Variants in DCAF1 observed in about 807,000 individuals in gnomAD.
The protein encoded by DCAF1 is DDB1- and CUL4-associated factor 1.
Under a neutral mutation model 128.0 loss-of-function variants are expected in DCAF1, and 15 were observed. The observed-to-expected ratio is 0.12, with a 90% CI of 0.08 to 0.18. DCAF1 has a LOEUF of 0.18. DCAF1 is among the 10% of genes least tolerant of loss of function. The probability of loss-of-function intolerance (pLI) is 1.00; values close to 1 mark genes in which losing one functional copy is unlikely to be tolerated. For synonymous variants in DCAF1, 610 were observed against 603.0 expected, an observed-to-expected ratio of 1.01 and a Z score of -0.17; for missense variants, 988 against 1,649.5, an observed-to-expected ratio of 0.60 and a Z score of 6.95.
intron 3 of DCAF1, among the ~76,000 whole-genome samples, chr3:51,471,305 T>C (rs1577255115): frequency 6.6e-6 from 1 of 151,478 alleles, no homozygotes; most frequent in African/African-American, 2.4e-5. Context: ...TGCCTCAGTA[T>C]CCCGCACAGC....
At chr3:51,398,894 C>T in intron 24 of DCAF1, 67 bp from the exon 25 acceptor site, 3 of 1,533,476 alleles carry the variant, frequency 2.0e-6, no homozygotes, top group Non-Finnish European at 2.6e-6. Flanking sequence ...CCTACAGAAG[C>T]ACCTGCACTC....
intron 24 of DCAF1, 79 bp downstream of exon 24, chr3:51,403,064 C>A: frequency 6.6e-7 from 1 of 1,509,764 alleles, no homozygotes; most frequent in South Asian, 1.4e-5. Flanking sequence ...TATGGCTTGC[C>A]CTCTAAGTTG....
intron 9 of DCAF1, chr3:51,438,214 A>G (rs1054124775): frequency 1.3e-5 from 4 of 316,120 alleles, no homozygotes. Flanking sequence ...CCTTATTTCC[A>G]TGGTTCAAGA....
At chr3:51,436,878 A>G (rs1700876880) in intron 9 of DCAF1, among the ~76,000 whole-genome samples, 1 of 152,238 alleles carries the variant, frequency 6.6e-6, no homozygotes, top group Non-Finnish European at 1.5e-5. Flanking sequence ...GACTGCAATA[A>G]GATGAAACTT....
rs540374572 is a variant in DCAF1, at chr3:51,403,408, C to A, written c.4213-13G>T. 6.4e-7 allele frequency: 1 copy of A among 1,551,606 alleles called. No individual in the cohort carries two copies. The highest frequency in any genetic ancestry group is 1.4e-5 in the African/African-American group (1 of 73,032). On this transcript the variant is annotated splice_polypyrimidine_tract_variant and intron_variant, in intron 23 of 24. Coordinates refer to ENST00000684031, the MANE Select transcript of DCAF1 (RefSeq NM_001387579.1). Reference sequence around the variant, plus strand: ...GTTCTTCCTCTTCCTGGTAAGAAAGCGTAATGTTCATTAGTACAAACACAG... The same window carrying A: ...GTTCTTCCTCTTCCTGGTAAGAAAGAGTAATGTTCATTAGTACAAACACAG...
intron 17 of DCAF1, 78 bp from the exon 18 acceptor site, chr3:51,416,949 CCCCAG>C: frequency 1.9e-6 from 3 of 1,539,050 alleles, no homozygotes; most frequent in Non-Finnish European, 2.6e-6. Flanking sequence ...CACAGGTGAC[CCCCAG>C]CCTCTTGCAC....
At chr3:51,483,418 C>G in intron 3 of DCAF1, among the ~76,000 whole-genome samples, 1 of 143,900 alleles carries the variant, frequency 6.9e-6, no homozygotes, top group Admixed American at 7.0e-5. Context: ...CCAGCCTGGG[C>G]AACAAAGCAA....
chr3:51,427,693 C>A (rs1182578655), intron 12 of DCAF1, among the ~76,000 whole-genome samples, 152 bp from the exon 13 acceptor site: 1 of 152,140 alleles, frequency 6.6e-6, no homozygotes. Flanking sequence ...AGGGCAGTGG[C>A]TTGATCACGG....
Position 51,411,752 on chromosome 3 carries a change from A to T in DCAF1, c.4212+627T>A, listed in dbSNP as rs564498398. 3.3e-3 allele frequency among the ~76,000 whole-genome samples: 509 copies of T among 152,194 alleles called. 1 individual carries two copies. The highest frequency in any genetic ancestry group is 3.3e-3 in the Non-Finnish European group (224 of 67,978). ...CAGCAAAGTGATTGTTCTGTTTTTT[A>T]TTGACATTGGGAGATGCTTATCTGA... On this transcript the variant is annotated intron_variant, in intron 23 of 24. Transcript: ENST00000684031.
At chr3:51,410,448 G>T (rs1409255933) in intron 23 of DCAF1, among the ~76,000 whole-genome samples, 2 of 152,056 alleles carry the variant, frequency 1.3e-5, no homozygotes, top group Non-Finnish European at 2.9e-5. Flanking sequence ...GTATTCAAAG[G>T]ATTTGATTTA....
upstream of DCAF1, among the ~76,000 whole-genome samples, chr3:51,500,537 G>T (rs560990796): frequency 6.6e-6 from 1 of 152,066 alleles, no homozygotes; most frequent in African/African-American, 2.4e-5. Context: ...GTTGTTTTTT[G>T]TTTGTTTTGT....
chr3:51,441,050 G>A lies in DCAF1; in HGVS notation c.1048C>T (p.Leu350Phe). ...AACATCATCAGCTCCCGTGATCCAA[G>A]TTGCATGAATATGGGAAGTAGCTGA... ...YQELLPIFMQ[L>F]GSRELMMFYI... Residue 350 changes from leucine (L) to phenylalanine (F), a missense_variant, in exon 9 of 25, where the codon CTT becomes TTT. This residue lies in a region of DCAF1 where 185 missense variants were observed against 248.1 expected (regional missense o/e 0.75). Transcript: ENST00000684031. The A allele has an allele frequency of 6.2e-7, 1 of 1,611,988 alleles. No homozygotes were observed. The highest frequency in any genetic ancestry group is 8.5e-7 in the Non-Finnish European group (1 of 1,179,064).
At chr3:51,414,502 AG>A in intron 19 of DCAF1, 121 bp downstream of exon 19, 1 of 1,373,912 alleles carries the variant, frequency 7.3e-7, no homozygotes, top group South Asian at 1.5e-5. Flanking sequence ...ACCAAAGGAC[AG>A]GCACCATATT....
At chr3:51,471,083 G>T in intron 3 of DCAF1, 78 bp from the exon 4 acceptor site, 1 of 879,016 alleles carries the variant, frequency 1.1e-6, no homozygotes, top group Non-Finnish European at 1.8e-6. Flanking sequence ...CAATTCAACG[G>T]TCAAGGTAGA....
chr3:51,411,466 A>G (rs1698410861), intron 23 of DCAF1, among the ~76,000 whole-genome samples: 1 of 152,226 alleles, frequency 6.6e-6, no homozygotes. Context: ...GAAACTCTTC[A>G]GAACCCATAC....
intron 23 of DCAF1, among the ~76,000 whole-genome samples, chr3:51,408,927 T>C (rs1271518322): frequency 1.3e-5 from 2 of 152,192 alleles, no homozygotes; most frequent in Admixed American, 6.5e-5. Context: ...CTTAGCCATG[T>C]TGCACACCTA....
intron 23 of DCAF1, among the ~76,000 whole-genome samples, chr3:51,404,861 C>A (rs545256521): frequency 6.6e-6 from 1 of 152,170 alleles, no homozygotes; most frequent in African/African-American, 2.4e-5. Context: ...AAGCATTCAC[C>A]CGCCTCAAAG....
chr3:51,414,726 A>G lies in DCAF1; in HGVS notation c.3735T>C (p.Asp1245=), dbSNP rs1553629691. 1 of 1,614,044 alleles carries G rather than the reference A, an allele frequency of 6.2e-7. No homozygotes were observed. Among genetic ancestry groups the G allele is most frequent in the East Asian group, 2.2e-5 (1 of 44,884 alleles). ...TGTGGATGGCCTGTGCAGAGCGGAC[A>G]TCCCAGAGGACGCCATCATTTAAGA... The part of the protein sequence containing the change: ...DLVLNDGVLW[D]VRSAQAIHKF... The change falls in exon 19 of 25, where the codon GAT becomes GAC. Residue 1245 remains aspartate (D), a synonymous_variant. Coordinates refer to ENST00000684031, the MANE Select transcript of DCAF1 (RefSeq NM_001387579.1).
rs752651218 is a variant in DCAF1 at position 51,486,966 on chromosome 3, TTTTC to T, written c.-8-3134_-8-3131del. 2.4e-3 allele frequency among the ~76,000 whole-genome samples: 355 copies of T among 147,094 alleles called. 1 individual carries two copies. Among genetic ancestry groups the T allele is most frequent in the Admixed American group, 9.0e-3 (133 of 14,710 alleles). Reference sequence around the variant, plus strand: ...ATATTTTTAAAACAAACTTTTTTTCTTTTCTTTTCTTTTTTTTTTTAAGACAGAG... The same window carrying T: ...ATATTTTTAAAACAAACTTTTTTTCTTTTTCTTTTTTTTTTTAAGACAGAG... On this transcript the variant is annotated intron_variant, in intron 2 of 24. Transcript: ENST00000684031.
Sources: gnomAD v4.1 joint callset for allele counts (sites outside exome capture counted in the v4.1 genomes callset) on GRCh38, gnomAD v4.1.1 for gene constraint, gnomAD v4.1.1 regional missense constraint, MANE v1.5 for transcripts, NCBI Gene and HGNC (gene_info 2026-07-23, HGNC 2026-07-21) for gene names.